The following DNAH9 variants were observed in gnomAD, a reference collection of about 807,000 sequenced individuals.
DNAH9 encodes the protein dynein axonemal heavy chain 9, also known as DNAH9 variant protein.
Under a neutral mutation model 471.6 loss-of-function variants are expected in DNAH9, and 345 were observed. The ratio of observed to expected loss-of-function variants is 0.73; its 90% CI spans 0.67 to 0.80. The LOEUF (loss-of-function observed/expected upper bound fraction) is 0.80, where lower values mean the gene tolerates loss of function less well. Ranked by LOEUF, DNAH9 falls within the 30% of genes least tolerant of loss-of-function variation. The pLI is 0.00. For synonymous variants in DNAH9, 2,093 were observed against 2,123.6 expected (o/e 0.99, Z 0.40); for missense variants, 5,407 against 5,609.2 (o/e 0.96, Z 1.15).
intron 62 of DNAH9, among the ~76,000 whole-genome samples, chr17:11,929,331 G>A (rs73300417): frequency 9.9e-5 from 15 of 152,184 alleles, no homozygotes; most frequent in African/African-American, 3.4e-4. Flanking sequence ...ACCGTGCCTG[G>A]CCGTGTTACA....
intron 9 of DNAH9, among the ~76,000 whole-genome samples, chr17:11,637,898 A>G (rs1280753980): frequency 6.6e-6 from 1 of 152,174 alleles, no homozygotes; most frequent in East Asian, 1.9e-4. Context: ...GGCTTATGGA[A>G]AAGGTAGTCT....
chr17:11,636,762 C>A lies in DNAH9; in HGVS notation c.1764C>A (p.His588Gln), dbSNP rs8065057. 6.2e-7 allele frequency: 1 copy of A among 1,614,016 alleles called. No individual in the cohort carries two copies. Residue 588 changes from histidine to glutamine, a missense_variant, in exon 9 of 69, where the codon CAC (histidine) becomes CAA (glutamine). Transcript: ENST00000262442. ...CAGTGAGGATGATCTACAGTCAGCA[C>A]GTCCAGGAGGAAGCAGAACTTGGTA... The part of the protein sequence containing the change: ...LDAVRMIYSQ[H>Q]VQEEAELGFS...
At chr17:11,793,769 G>A (rs2150908626) in intron 42 of DNAH9, 105 bp downstream of exon 42, 1 of 943,720 alleles carries the variant, frequency 1.1e-6, no homozygotes, top group Admixed American at 2.6e-5. Flanking sequence ...AGAAAGGCCA[G>A]AGTTTAGGTG....
chr17:11,613,264 C>T (rs926345926), intron 4 of DNAH9, among the ~76,000 whole-genome samples: 1 of 152,170 alleles, frequency 6.6e-6, no homozygotes, highest in East Asian at 1.9e-4. Context: ...ACAGGTGTCC[C>T]CAGAAGTGGT....
At chr17:11,654,401 A>G in intron 14 of DNAH9, among the ~76,000 whole-genome samples, 1 of 149,958 alleles carries the variant, frequency 6.7e-6, no homozygotes, top group African/African-American at 2.4e-5. Context: ...TCTATCATCC[A>G]TCTATCGTCT....
At chr17:11,841,877 C>T (rs898331949) in intron 49 of DNAH9, among the ~76,000 whole-genome samples, 3 of 152,090 alleles carry the variant, frequency 2.0e-5, no homozygotes, top group Non-Finnish European at 2.9e-5. Context: ...TTCACATGGG[C>T]ATCTTTTCAA....
intron 61 of DNAH9, among the ~76,000 whole-genome samples, chr17:11,910,665 C>G (rs551550433): frequency 2.0e-4 from 30 of 152,320 alleles, no homozygotes; most frequent in African/African-American, 5.3e-4. Flanking sequence ...ATTTCACTAT[C>G]CCAACAGCAA....
At chr17:11,652,003 A>G (rs1332610806) in intron 13 of DNAH9, among the ~76,000 whole-genome samples, 1 of 152,188 alleles carries the variant, frequency 6.6e-6, no homozygotes, top group Non-Finnish European at 1.5e-5. Flanking sequence ...AGTTTGAAAA[A>G]AAAAGATTAT....
At chr17:11,755,265 A>T (rs112147448) in intron 33 of DNAH9, among the ~76,000 whole-genome samples, 5 of 152,160 alleles carry the variant, frequency 3.3e-5, no homozygotes, top group African/African-American at 9.6e-5. Flanking sequence ...TGATGCCTCC[A>T]GCTTTGTTTT....
intron 28 of DNAH9, among the ~76,000 whole-genome samples, chr17:11,738,628 G>A (rs963499444): frequency 2.0e-5 from 3 of 152,116 alleles, no homozygotes; most frequent in African/African-American, 4.8e-5. Flanking sequence ...TGATCTGCCC[G>A]CCTTGGCCTC....
rs1395691284 is a variant in DNAH9, at chr17:11,644,685, G to A, written c.1956G>A (p.Leu652=). The part of the protein sequence containing the change: ...KRMQQKYEDM[L]SLLEKYETRL... The stretch of plus-strand genomic sequence containing the variant: ...TGCAACAAAAATATGAAGATATGCT[G>A]TCATTGCTAGAAAAGTAAGCAACTT... Residue 652 remains leucine (L), a synonymous_variant, in exon 11 of 69, where the codon CTG becomes CTA. Coordinates refer to ENST00000262442, the MANE Select transcript of DNAH9 (RefSeq NM_001372.4). The A allele has an allele frequency of 1.9e-6, 3 of 1,612,274 alleles. No individual in the cohort carries two copies. The highest frequency in any genetic ancestry group is 2.2e-5 in the South Asian group (2 of 90,930).
intron 39 of DNAH9, among the ~76,000 whole-genome samples, chr17:11,783,309 C>T (rs1297595752): frequency 1.3e-5 from 2 of 152,192 alleles, no homozygotes; most frequent in Admixed American, 6.5e-5. Flanking sequence ...AAGTCACTAC[C>T]TTTGTTATTC....
intron 33 of DNAH9, among the ~76,000 whole-genome samples, chr17:11,754,893 A>G (rs938002110): frequency 2.6e-5 from 4 of 152,148 alleles, no homozygotes; most frequent in Admixed American, 2.6e-4. Context: ...TTGTCATTAA[A>G]TCTTTGCGCA....
rs1044873389 is a variant in DNAH9 at position 11,954,718 on chromosome 17, C to T, written c.12844-7149C>T. Among the ~76,000 whole-genome samples, 8 of 147,542 alleles carry T rather than the reference C, an allele frequency of 5.4e-5. No individual in the cohort carries two copies. The Middle Eastern group carries it at 0.014, about 256-fold the overall frequency. ...CCAGGAGGCGGAGGTTGTGGTGAGC[C>T]GAGATCACACCACTGCACTCCAGCC... On this transcript the variant is annotated intron_variant, in intron 67 of 68. Transcript: ENST00000262442.
chr17:11,782,427 C>T (rs901379996), intron 39 of DNAH9, among the ~76,000 whole-genome samples: 6 of 152,096 alleles, frequency 3.9e-5, no homozygotes, highest in Non-Finnish European at 8.8e-5. Context: ...ACACAGATGC[C>T]GCCTCCATTT....
At chr17:11,660,603 G>A (rs1054005020) in intron 14 of DNAH9, among the ~76,000 whole-genome samples, 7 of 152,176 alleles carry the variant, frequency 4.6e-5, no homozygotes, top group Non-Finnish European at 8.8e-5. Flanking sequence ...GATTACAGGT[G>A]TGAACTACCA....
In DNAH9 at chr17:11,645,678, T is replaced by A. The variant is rs2073368770; in HGVS notation, c.1970+979T>A. On this transcript the variant is annotated intron_variant, in intron 11 of 68. Transcript: ENST00000262442. ...AAGCACACAGTTTCAAGCATGCTGT[T>A]TCTCACCTCTACCCTTTGGCTACAC... Among the ~76,000 whole-genome samples, 4 of 151,760 alleles carry A rather than the reference T, an allele frequency of 2.6e-5. No homozygotes were observed. The South Asian group carries it at 8.4e-4, about 32-fold the overall frequency.
rs959775490 is a variant in DNAH9 at position 11,932,982 on chromosome 17, C to T, written c.12297+777C>T. ...GAGTCAACAGGGCCACCACCTCTTC[C>T]TCGTGGGGAAAACGAACCAGGCCCA... On this transcript the variant is annotated intron_variant, in intron 64 of 68. Coordinates refer to ENST00000262442, the MANE Select transcript of DNAH9 (RefSeq NM_001372.4). The surrounding 1 kb of genome is among the most constrained non-coding windows in gnomAD (Gnocchi z 4.3). 5.9e-5 allele frequency among the ~76,000 whole-genome samples: 9 copies of T among 152,234 alleles called. No homozygotes were observed. Among genetic ancestry groups the T allele is most frequent in the Non-Finnish European group, 1.0e-4 (7 of 68,046 alleles).
chr17:11,684,549 T>A (rs1007267526), intron 19 of DNAH9, among the ~76,000 whole-genome samples: 1 of 152,202 alleles, frequency 6.6e-6, no homozygotes, highest in Non-Finnish European at 1.5e-5. Context: ...CTTCCTGACC[T>A]TGAGCACAGT....
Sources: gnomAD v4.1 joint callset for allele counts (sites outside exome capture counted in the v4.1 genomes callset) on GRCh38, gnomAD v4.1.1 for gene constraint, Gnocchi (gnomAD v3.1) non-coding constraint, MANE v1.5 for transcripts, NCBI Gene and HGNC (gene_info 2026-07-23, HGNC 2026-07-21) for gene names.